The following CSMD1 variants were observed in gnomAD, a reference collection of about 807,000 sequenced individuals.
CSMD1 encodes CUB and sushi domain-containing protein 1.
CSMD1 carries 213 observed loss-of-function variants against 417.5 expected under a neutral mutation model. That is an observed-to-expected ratio of 0.51 (90% CI 0.46 to 0.57). The LOEUF is 0.57. Ranked by LOEUF, CSMD1 falls within the 20% of genes least tolerant of loss-of-function variation. The pLI is 0.00. For synonymous variants in CSMD1, 2,862 were observed against 1,736.8 expected, an observed-to-expected ratio of 1.65 and a Z score of -16.11; for missense variants, 6,923 against 4,529.7, an observed-to-expected ratio of 1.53 and a Z score of -15.17.
intron 12 of CSMD1, among the ~76,000 whole-genome samples, chr8:3,455,938 T>G (rs1041190848): frequency 6.6e-6 from 1 of 152,204 alleles, no homozygotes; most frequent in Non-Finnish European, 1.5e-5. Context: ...GCAGGCCTCC[T>G]TGAGCTGAGG....
intron 1 of CSMD1, among the ~76,000 whole-genome samples, chr8:4,912,058 A>G (rs1805712500): frequency 6.6e-6 from 1 of 150,594 alleles, no homozygotes; most frequent in Admixed American, 6.7e-5. Context: ...AGAAAAAGAA[A>G]AAACCTAAAT....
intron 5 of CSMD1, among the ~76,000 whole-genome samples, chr8:3,878,478 T>G (rs748292642): frequency 7.2e-5 from 11 of 152,122 alleles, no homozygotes; most frequent in Non-Finnish European, 1.5e-4. Flanking sequence ...TCTTAAATAT[T>G]AACTAAGTAG....
At position 4,142,667 on chromosome 8, in the gene CSMD1, G is replaced by A. The variant is rs77567688; in HGVS notation, c.416-110568C>T. Among the ~76,000 whole-genome samples, 47 of 150,832 alleles carry A rather than the reference G, an allele frequency of 3.1e-4. 5 individuals are homozygous for A. Among genetic ancestry groups the A allele is most frequent in the African/African-American group, 1.0e-3 (42 of 40,418 alleles). On this transcript the variant is annotated intron_variant, in intron 3 of 69. Coordinates refer to ENST00000635120, the MANE Select transcript of CSMD1 (RefSeq NM_033225.6). ...GAGAAAACAGTAACTGATTCTGGCC[G>A]TGGCTTCTTTGCAGTTATTGGGTGG...
At chr8:3,697,247 G>A (rs545662607) in intron 7 of CSMD1, among the ~76,000 whole-genome samples, 1 of 152,246 alleles carries the variant, frequency 6.6e-6, no homozygotes, top group African/African-American at 2.4e-5. Flanking sequence ...TCAGTTTCAT[G>A]ATTCTGTAAT....
chr8:4,753,153 T>G (rs1811442716), intron 1 of CSMD1, among the ~76,000 whole-genome samples: 1 of 152,136 alleles, frequency 6.6e-6, no homozygotes, highest in African/African-American at 2.4e-5. Context: ...TGAAGTCACT[T>G]GTCTGAGATC....
intron 1 of CSMD1, among the ~76,000 whole-genome samples, chr8:4,870,866 C>G (rs1446464622): frequency 1.3e-5 from 2 of 152,140 alleles, no homozygotes; most frequent in Non-Finnish European, 2.9e-5. Context: ...GTTTGTCCCA[C>G]AGTTCCTGAT....
At chr8:3,802,479 T>C (rs940617549) in intron 5 of CSMD1, among the ~76,000 whole-genome samples, 11 of 152,198 alleles carry the variant, frequency 7.2e-5, no homozygotes, top group African/African-American at 2.7e-4. Context: ...AGTATCAACT[T>C]CATTCATGTG....
intron 10 of CSMD1, among the ~76,000 whole-genome samples, chr8:3,561,292 C>A (rs1225451281): frequency 6.6e-6 from 1 of 152,138 alleles, no homozygotes; most frequent in Non-Finnish European, 1.5e-5. Flanking sequence ...GGTATCTACT[C>A]AAAGGAAAGG....
At chr8:3,808,251 G>A (rs960754597) in intron 5 of CSMD1, among the ~76,000 whole-genome samples, 4 of 152,092 alleles carry the variant, frequency 2.6e-5, no homozygotes, top group Admixed American at 2.6e-4. Flanking sequence ...TCACTAAGTA[G>A]TCACATTTAC....
At chr8:3,986,198 G>C (rs1464877450) in intron 5 of CSMD1, among the ~76,000 whole-genome samples, 1 of 152,036 alleles carries the variant, frequency 6.6e-6, no homozygotes, top group Non-Finnish European at 1.5e-5. Flanking sequence ...CTGCCCCTCG[G>C]TCCTGAGATG....
intron 3 of CSMD1, among the ~76,000 whole-genome samples, chr8:4,050,231 A>C (rs1239659566): frequency 1.3e-5 from 2 of 151,994 alleles, no homozygotes; most frequent in Non-Finnish European, 2.9e-5. Context: ...CAGTTTCTCC[A>C]CTATAAACTT....
At chr8:3,769,042 G>A (rs1299098085) in intron 5 of CSMD1, among the ~76,000 whole-genome samples, 1 of 152,184 alleles carries the variant, frequency 6.6e-6, no homozygotes, top group African/African-American at 2.4e-5. Flanking sequence ...TGGACAGGCA[G>A]GTGTGTTTGG....
chr8:3,865,037 G>A (rs1042033761), intron 5 of CSMD1, among the ~76,000 whole-genome samples: 4 of 152,136 alleles, frequency 2.6e-5, no homozygotes, highest in African/African-American at 7.2e-5. Context: ...TGTCAAGTAA[G>A]ACATGCTTTG....
intron 1 of CSMD1, among the ~76,000 whole-genome samples, chr8:4,873,511 C>T (rs1239429756): frequency 2.0e-5 from 3 of 152,068 alleles, no homozygotes; most frequent in African/African-American, 7.3e-5. Context: ...ACTGGAAATG[C>T]TTCAACTTGT....
At chr8:4,328,578 T>C (rs1799689754) in intron 3 of CSMD1, among the ~76,000 whole-genome samples, 2 of 151,940 alleles carry the variant, frequency 1.3e-5, no homozygotes, top group African/African-American at 4.8e-5. Context: ...TTTAAAAAAA[T>C]GAAAAAAAAT....
intron 4 of CSMD1, among the ~76,000 whole-genome samples, chr8:4,000,007 GTAAAACCAAACACGAA>G (rs1235210258): frequency 1.3e-5 from 2 of 152,216 alleles, no homozygotes; most frequent in Non-Finnish European, 2.9e-5. Flanking sequence ...TTTTAAAAGT[GTAAAACCAAACACGAA>G]TAAAAATAAC....
At chr8:3,929,817 A>G (rs950948747) in intron 5 of CSMD1, among the ~76,000 whole-genome samples, 1 of 149,316 alleles carries the variant, frequency 6.7e-6, no homozygotes, top group African/African-American at 2.5e-5. Flanking sequence ...ACATGCCACC[A>G]TGCCTGGCTA....
intron 5 of CSMD1, among the ~76,000 whole-genome samples, chr8:3,925,017 T>A (rs1483280699): frequency 2.0e-5 from 3 of 152,156 alleles, no homozygotes; most frequent in Non-Finnish European, 4.4e-5. Flanking sequence ...GAGAAAGACT[T>A]TAAATAGTTA....
intron 1 of CSMD1, among the ~76,000 whole-genome samples, chr8:4,872,700 CAG>C (rs1802804941): frequency 6.6e-6 from 1 of 152,074 alleles, no homozygotes; most frequent in Non-Finnish European, 1.5e-5. Flanking sequence ...GCAAGGAACA[CAG>C]AGACAGAAAG....
Sources: gnomAD v4.1 joint callset for allele counts (sites outside exome capture counted in the v4.1 genomes callset) on GRCh38, gnomAD v4.1.1 for gene constraint, MANE v1.5 for transcripts, NCBI Gene and HGNC (gene_info 2026-07-23, HGNC 2026-07-21) for gene names.